The following MARK3 variants were observed in gnomAD, a reference collection of about 807,000 sequenced individuals.
MARK3 encodes microtubule affinity regulating kinase 3.
Under a neutral mutation model 90.1 loss-of-function variants are expected in MARK3, and 46 were observed. The observed-to-expected ratio is 0.51, with a 90% CI of 0.40 to 0.65. The LOEUF is 0.65. MARK3 is among the 30% of genes least tolerant of loss of function. The pLI, the probability that MARK3 is intolerant of heterozygous loss-of-function variation, is 0.00. For synonymous variants in MARK3, 321 were observed against 332.6 expected (o/e 0.97, Z 0.38); for missense variants, 818 against 947.2 (o/e 0.86, Z 1.79).
intron 14 of MARK3, among the ~76,000 whole-genome samples, chr14:103,481,643 G>C (rs956481049): frequency 3.2e-3 from 2 of 630 alleles, no homozygotes; most frequent in Non-Finnish European, 0.013. Flanking sequence ...TATGACTCGT[G>C]TGTGTGTGTG....
intron 3 of MARK3, among the ~76,000 whole-genome samples, chr14:103,428,692 T>C (rs1049368263): frequency 6.6e-6 from 1 of 152,152 alleles, no homozygotes. Context: ...TTTATTGATA[T>C]AGTTGTACGA....
At chr14:103,386,193 C>A in intron 1 of MARK3, 113 bp downstream of exon 1, 1 of 1,034,492 alleles carries the variant, frequency 9.7e-7, no homozygotes, top group Non-Finnish European at 1.5e-6. Flanking sequence ...AAATAGAGGG[C>A]AGGCCGTAGT....
chr14:103,415,733 T>G (rs992699238), intron 2 of MARK3, among the ~76,000 whole-genome samples: 1 of 152,228 alleles, frequency 6.6e-6, no homozygotes, highest in African/African-American at 2.4e-5. Context: ...AGTTATTTAT[T>G]GTTTAAAAAT....
chr14:103,397,131 A>G (rs1446031832), intron 1 of MARK3, among the ~76,000 whole-genome samples: 1 of 152,116 alleles, frequency 6.6e-6, no homozygotes, highest in African/African-American at 2.4e-5. Context: ...TTATACACCT[A>G]TTGGACAGCA....
intron 3 of MARK3, among the ~76,000 whole-genome samples, chr14:103,433,890 A>G (rs1033585957): frequency 2.0e-5 from 3 of 152,154 alleles, no homozygotes; most frequent in Admixed American, 6.5e-5. Context: ...TATAATTTTT[A>G]TTTAACAATT....
At chr14:103,407,388 C>T (rs186754726) in intron 2 of MARK3, among the ~76,000 whole-genome samples, 2 of 151,952 alleles carry the variant, frequency 1.3e-5, no homozygotes, top group African/African-American at 2.4e-5. Flanking sequence ...TTTCTCATAG[C>T]GTATGTTTAA....
chr14:103,406,123 T>A (rs1009205241), intron 2 of MARK3, among the ~76,000 whole-genome samples: 14 of 151,670 alleles, frequency 9.2e-5, no homozygotes, highest in African/African-American at 3.4e-4. Context: ...CTTGAACTCC[T>A]GTGTTCAAGC....
At chr14:103,460,453 G>T (rs2093379616) in intron 6 of MARK3, among the ~76,000 whole-genome samples, 1 of 152,128 alleles carries the variant, frequency 6.6e-6, no homozygotes, top group South Asian at 2.1e-4. Flanking sequence ...GCTCTTTTAT[G>T]TATGATTGAA....
At chr14:103,415,622 G>A (rs1292914626) in intron 2 of MARK3, among the ~76,000 whole-genome samples, 1 of 151,866 alleles carries the variant, frequency 6.6e-6, no homozygotes, top group African/African-American at 2.4e-5. Flanking sequence ...TTTCTTTCAA[G>A]TTCATTATTT....
intron 2 of MARK3, among the ~76,000 whole-genome samples, chr14:103,411,621 TTCTC>T (rs199556775): frequency 0.017 from 2,539 of 152,180 alleles, 44 homozygotes; most frequent in African/African-American, 0.047. Flanking sequence ...TCTTTTTTTT[TTCTC>T]TCTCTCTTTT....
chr14:103,445,497 C>T (rs757602762), intron 3 of MARK3, among the ~76,000 whole-genome samples: 53 of 152,206 alleles, frequency 3.5e-4, no homozygotes, highest in Non-Finnish European at 8.8e-5. Context: ...GCCACTACCT[C>T]TCTTGGGATT....
At chr14:103,487,483 T>C (rs1010744103) in intron 14 of MARK3, among the ~76,000 whole-genome samples, 2 of 152,042 alleles carry the variant, frequency 1.3e-5, no homozygotes, top group African/African-American at 4.8e-5. Context: ...GTGTGCTTCA[T>C]TGGGAATCGA....
intron 3 of MARK3, among the ~76,000 whole-genome samples, chr14:103,435,403 T>C (rs147960927): frequency 6.7e-6 from 1 of 149,180 alleles, no homozygotes; most frequent in Non-Finnish European, 1.5e-5. Flanking sequence ...TTTTACTTAT[T>C]TTTATTTATT....
intron 2 of MARK3, among the ~76,000 whole-genome samples, chr14:103,416,791 ATAAAG>A (rs1328686851): frequency 4.6e-5 from 7 of 152,110 alleles, no homozygotes; most frequent in Admixed American, 3.3e-4. Flanking sequence ...AAGAAAGAAA[ATAAAG>A]TAAAGAAATA....
chr14:103,404,272 G>A lies in MARK3; in HGVS notation c.52-804G>A, dbSNP rs192216783. 3.3e-5 allele frequency among the ~76,000 whole-genome samples: 5 copies of A among 152,294 alleles called. No homozygotes were observed. The East Asian group carries it at 9.7e-4, about 29-fold the overall frequency. On this transcript the variant is annotated intron_variant, in intron 1 of 17. Transcript: ENST00000429436. ...GTTGGAAAAGAGAAACGTGTAAAGG[G>A]GGTGGAAAGTGGCTGTGAGTGCATG...
At chr14:103,451,854 T>C in intron 4 of MARK3, 64 bp from the exon 5 acceptor site, 1 of 1,118,850 alleles carries the variant, frequency 8.9e-7, no homozygotes, top group Non-Finnish European at 1.3e-6. Context: ...AGAGTTTATA[T>C]GTGCATGGTT....
At chr14:103,391,520 G>T (rs1201405188) in intron 1 of MARK3, among the ~76,000 whole-genome samples, 2 of 149,470 alleles carry the variant, frequency 1.3e-5, no homozygotes, top group African/African-American at 2.5e-5. Context: ...ATACATTATA[G>T]TTGGCTGATA....
intron 1 of MARK3, among the ~76,000 whole-genome samples, chr14:103,404,505 A>G (rs1390021243): frequency 6.6e-6 from 1 of 151,894 alleles, no homozygotes; most frequent in East Asian, 1.9e-4. Flanking sequence ...TACTTTATTA[A>G]GTAAGCATAT....
At chr14:103,399,703 A>AC (rs1166125344) in intron 1 of MARK3, among the ~76,000 whole-genome samples, 12 of 136,600 alleles carry the variant, frequency 8.8e-5, no homozygotes, top group Non-Finnish European at 9.8e-5. Flanking sequence ...CCATCTCAAA[A>AC]AAAAAAAAAG....
Sources: allele counts gnomAD v4.1 joint callset (sites outside exome capture counted in the v4.1 genomes callset), GRCh38; gene constraint gnomAD v4.1.1; transcripts MANE v1.5; gene names NCBI Gene and HGNC (gene_info 2026-07-23, HGNC 2026-07-21).